Variants in F5 observed in about 807,000 individuals in gnomAD.
The protein encoded by F5 is coagulation factor V.
Under a neutral mutation model 216.4 loss-of-function variants are expected in F5, and 138 were observed. That is an observed-to-expected ratio of 0.64 (90% CI 0.56 to 0.73). The LOEUF (loss-of-function observed/expected upper bound fraction) is 0.73. Among genes scored for constraint, F5 ranks in the 30% least tolerant of loss-of-function variants. The pLI is 0.00. For synonymous variants in F5, 916 were observed against 930.7 expected, an observed-to-expected ratio of 0.98 and a Z score of 0.29; for missense variants, 2,403 against 2,674.0, an observed-to-expected ratio of 0.90 and a Z score of 2.24.
At chr1:169,576,773 C>G (rs1362115328) in intron 2 of F5, among the ~76,000 whole-genome samples, 1 of 152,168 alleles carries the variant, frequency 6.6e-6, no homozygotes, top group Non-Finnish European at 1.5e-5. Context: ...AGGGTGCTGA[C>G]TATGCTGCCA....
chr1:169,527,562 C>G (rs184617992), intron 17 of F5, among the ~76,000 whole-genome samples: 2 of 152,244 alleles, frequency 1.3e-5, no homozygotes, highest in Admixed American at 6.5e-5. Flanking sequence ...AATCTGGAAA[C>G]CCTCCCAGCA....
intron 3 of F5, among the ~76,000 whole-genome samples, chr1:169,564,538 C>T (rs1660556356): frequency 6.6e-6 from 1 of 152,098 alleles, no homozygotes; most frequent in Middle Eastern, 3.4e-3. Flanking sequence ...GTCTGTCATT[C>T]GATGTCTGAA....
Position 169,526,849 on chromosome 1 carries a change from AC to A in F5, c.5600-833del, listed in dbSNP as rs1659464352. 2.6e-5 allele frequency among the ~76,000 whole-genome samples: 4 copies of A among 151,508 alleles called. 1 individual carries two copies. The South Asian group carries it at 8.3e-4, about 31-fold the overall frequency. On this transcript the variant is annotated intron_variant, in intron 17 of 24. Coordinates refer to ENST00000367797, the MANE Select transcript of F5 (RefSeq NM_000130.5). ...AATCTCTTCTGTCTCTGATTTTAAT[AC>A]AATAAATTATCTATTAATTATTATA...
At position 169,512,340 on chromosome 1, in the gene F5, TTGCCCCTATTA is replaced by T. The variant is rs1010689387; in HGVS notation, c.*1962_*1972del. 6.6e-6 allele frequency among the ~76,000 whole-genome samples: 1 copy of T among 152,158 alleles called. No individual in the cohort carries two copies. Among genetic ancestry groups the T allele is most frequent in the South Asian group, 2.1e-4 (1 of 4,830 alleles). On this transcript the variant is annotated 3_prime_UTR_variant, in exon 25 of 25. Transcript: ENST00000367797. ...CCCCCCATTATTTCATAAGATTTTCTTGCCCCTATTATGCCTTAGTAAATTCTAGATCAAGA... is the reference window on the plus strand; with the variant it reads ...CCCCCCATTATTTCATAAGATTTTCTTGCCTTAGTAAATTCTAGATCAAGA...
rs146408488 is a variant in F5 at position 169,541,879 on chromosome 1, G to A, written c.3211C>T (p.His1071Tyr). The change falls in exon 13 of 25, where the codon CAT (histidine) becomes TAT (tyrosine). Residue 1071 changes from histidine (H) to tyrosine (Y), a missense_variant. This residue lies in a region of F5 where 1,425 missense variants were observed against 1,554.8 expected (regional missense o/e 0.92). Coordinates refer to ENST00000367797, the MANE Select transcript of F5 (RefSeq NM_000130.5). The stretch of plus-strand genomic sequence containing the variant: ...GGAAGAGATGTTTCATTGGATTTAT[G>A]AAGCACCAACGAATGCTTAAGTCTT... The part of the protein sequence containing the change: ...ERRLKHSLVL[H>Y]KSNETSLPTD... 184 of 1,614,162 alleles carry A rather than the reference G, an allele frequency of 1.1e-4. No homozygotes were observed. The African/African-American group carries it at 1.9e-3, about 17-fold the overall frequency.
chr1:169,527,043 T>C (rs1413301255), intron 17 of F5, among the ~76,000 whole-genome samples: 3 of 152,216 alleles, frequency 2.0e-5, no homozygotes, highest in Middle Eastern at 3.4e-3. Flanking sequence ...TCACACAACG[T>C]CACCCAAAGT....
chr1:169,577,122 G>A (rs1342336940), intron 2 of F5, among the ~76,000 whole-genome samples: 8 of 152,072 alleles, frequency 5.3e-5, no homozygotes, highest in Non-Finnish European at 1.5e-5. Flanking sequence ...GCCCAAAGCT[G>A]GATTGGGGAA....
In F5 at chr1:169,518,493, C is replaced by T. The variant is rs2101803518; in HGVS notation, c.6264G>A (p.Lys2088=). 1 of 1,613,902 alleles carries T rather than the reference C, an allele frequency of 6.2e-7. No homozygotes were observed. Among genetic ancestry groups the T allele is most frequent in the African/African-American group, 1.3e-5 (1 of 75,026 alleles). Residue 2088 remains lysine, a synonymous_variant, in exon 23 of 25, where the codon AAG becomes AAA. Transcript: ENST00000367797. ...CCCAGTAATCTCCCCACCAAGATTT[C>T]TTAAACGAAGAAGCTGTGATTTGCT... ...ENKQITASSF[K]KSWWGDYWEP...
Position 169,556,877 on chromosome 1 carries a change from A to T in F5, c.731-10T>A. ...GCACAAACTGTTATATCTGAGAAAGAGGGAGAGACACAGGCCAAAATAAGC... is the reference window on the plus strand; with the variant it reads ...GCACAAACTGTTATATCTGAGAAAGTGGGAGAGACACAGGCCAAAATAAGC... On this transcript the variant is annotated splice_polypyrimidine_tract_variant and intron_variant, in intron 5 of 24. Transcript: ENST00000367797. 2 of 1,612,296 alleles carry T rather than the reference A, an allele frequency of 1.2e-6. No homozygotes were observed. The highest frequency in any genetic ancestry group is 1.7e-6 in the Non-Finnish European group (2 of 1,179,368).
rs373541623 is a variant in F5 at position 169,560,741 on chromosome 1, G to A, written c.399C>T (p.Phe133=). 6 of 1,612,222 alleles carry A rather than the reference G, an allele frequency of 3.7e-6. No individual in the cohort carries two copies. In the African/African-American group the frequency reaches 8.0e-5, roughly 22 times the overall value. ...CAGCGTCGTCCATCTTCTCCGCAGG[G>A]AATGTGTGGTCAAGGTAAGAAGCAC... ...SEGASYLDHT[F]PAEKMDDAVA... Residue 133 remains phenylalanine, a synonymous_variant, in exon 4 of 25, where the codon TTC becomes TTT. Transcript: ENST00000367797.
Position 169,549,996 on chromosome 1 carries a change from G to C in F5, c.1416C>G (p.Ile472Met). The C allele has an allele frequency of 6.2e-7, 1 of 1,613,968 alleles. No homozygotes were observed. The highest frequency in any genetic ancestry group is 8.5e-7 in the Non-Finnish European group (1 of 1,179,946). The change falls in exon 10 of 25, where the codon ATC (isoleucine) becomes ATG (methionine). Residue 472 changes from isoleucine to methionine, a missense_variant. Transcript: ENST00000367797. The stretch of plus-strand genomic sequence containing the variant: ...AGGTTTCCCCTGGTTGAACTGCTCT[G>C]ATCATGGTGTTGTTCCTGCCTGAAA... ...SFTSGRNNTM[I>M]RAVQPGETYT...
intron 1 of F5, among the ~76,000 whole-genome samples, chr1:169,584,051 T>A (rs1347050581): frequency 6.6e-6 from 1 of 152,226 alleles, no homozygotes; most frequent in Non-Finnish European, 1.5e-5. Context: ...AGTCCATTTT[T>A]ATTTATTTAT....
intron 21 of F5, 93 bp downstream of exon 21, chr1:169,523,104 T>C: frequency 2.8e-6 from 4 of 1,407,894 alleles, no homozygotes; most frequent in Non-Finnish European, 4.0e-6. Context: ...CCCAGAAAGG[T>C]ATTTTTTAAA....
rs1354967271 is a variant in F5 at position 169,530,900 on chromosome 1, AT to A, written c.5093del (p.Asn1698MetfsTer37). ...DDSPEWFKED[N>X]AVQPNSSYTY... ...TATAACTGCTATTTGGCTGAACAGC[AT>A]TATCTTCCTTAAACCATTCAGGAGA... On this transcript the variant is annotated frameshift_variant, in exon 15 of 25. Coordinates refer to ENST00000367797, the MANE Select transcript of F5 (RefSeq NM_000130.5). LOFTEE classifies it high-confidence loss of function. The A allele has an allele frequency of 6.2e-7, 1 of 1,613,942 alleles. No homozygotes were observed. Among genetic ancestry groups the A allele is most frequent in the East Asian group, 2.2e-5 (1 of 44,872 alleles).
intron 7 of F5, among the ~76,000 whole-genome samples, chr1:169,553,448 C>G (rs572337231): frequency 6.6e-6 from 1 of 152,230 alleles, no homozygotes; most frequent in African/African-American, 2.4e-5. Flanking sequence ...GTGGCTCACG[C>G]CTGTACTCTC....
At chr1:169,551,869 G>A (rs540198261) in intron 8 of F5, among the ~76,000 whole-genome samples, 11 of 152,236 alleles carry the variant, frequency 7.2e-5, no homozygotes, top group Admixed American at 2.0e-4. Flanking sequence ...GGAAAACTCC[G>A]TGCTCTTGAT....
In F5 at chr1:169,523,203, A is replaced by T. The variant is rs989701569; in HGVS notation, c.6042T>A (p.Asn2014Lys). 1 of 1,613,990 alleles carries T rather than the reference A, an allele frequency of 6.2e-7. No homozygotes were observed. Among genetic ancestry groups the T allele is most frequent in the South Asian group, 1.1e-5 (1 of 91,088 alleles). The change falls in exon 21 of 25, where the codon AAT (asparagine) becomes AAA (lysine). Residue 2014 changes from asparagine (N) to lysine (K), a missense_variant. Coordinates refer to ENST00000367797, the MANE Select transcript of F5 (RefSeq NM_000130.5). ...TAGAAATATGCACACAAACCATCAC[A>T]TTCCTTGTGCTGTTCCCTTTGAAGA... ...WQIFKGNSTR[N>K]VMYFNGNSDA...
chr1:169,570,311 ACCT>A (rs1237976115), intron 3 of F5, among the ~76,000 whole-genome samples: 1 of 151,924 alleles, frequency 6.6e-6, no homozygotes, highest in Non-Finnish European at 1.5e-5. Flanking sequence ...TACAATTCTT[ACCT>A]CCTCCCTTAT....
chr1:169,528,210 C>A (rs1659504639), intron 16 of F5, 116 bp from the exon 17 acceptor site: 1 of 1,299,428 alleles, frequency 7.7e-7, no homozygotes, highest in Non-Finnish European at 1.1e-6. Context: ...TCTGCATTCC[C>A]AGGCCTACCT....
Sources: allele counts gnomAD v4.1 joint callset (sites outside exome capture counted in the v4.1 genomes callset), GRCh38; gene constraint gnomAD v4.1.1; regional missense constraint gnomAD v4.1.1; transcripts MANE v1.5; gene names NCBI Gene and HGNC (gene_info 2026-07-23, HGNC 2026-07-21).